Variants in ATP11A observed in about 807,000 individuals in gnomAD.
The protein encoded by ATP11A is phospholipid-transporting ATPase IH.
Under a neutral mutation model 154.4 loss-of-function variants are expected in ATP11A, and 81 were observed. The observed-to-expected ratio is 0.52, with a 90% CI of 0.44 to 0.63. The LOEUF is 0.63. Ranked by LOEUF, ATP11A falls within the 30% of genes least tolerant of loss-of-function variation. The probability of loss-of-function intolerance (pLI) is 0.00; values close to 1 mark genes in which losing one functional copy is unlikely to be tolerated. For synonymous variants in ATP11A, 623 were observed against 585.9 expected (o/e 1.06, Z -0.91); for missense variants, 1,316 against 1,474.3 (o/e 0.89, Z 1.76).
intron 1 of ATP11A, among the ~76,000 whole-genome samples, chr13:112,694,422 C>G (rs567908670): frequency 6.6e-5 from 10 of 152,256 alleles, no homozygotes; most frequent in Middle Eastern, 3.4e-3. Flanking sequence ...CTGCTGGCGT[C>G]GTGGGTCACA....
At position 112,754,976 on chromosome 13, in the gene ATP11A, T is replaced by C. The variant is rs1322393224; in HGVS notation, c.40-30159T>C. ...TGGGCGCAGAGCTCCTGCCGAGGGC[T>C]GGATGGCGCGGACCTGGGCATCGTG... On this transcript the variant is annotated intron_variant, in intron 1 of 29. Transcript: ENST00000375645. The surrounding 1 kb of genome is among the most constrained non-coding windows in gnomAD (Gnocchi z 5.3). Among the ~76,000 whole-genome samples, 2 of 152,228 alleles carry C rather than the reference T, an allele frequency of 1.3e-5. No homozygotes were observed. The highest frequency in any genetic ancestry group is 2.9e-5 in the Non-Finnish European group (2 of 68,026).
chr13:112,789,688 G>T (rs12016749), intron 2 of ATP11A, among the ~76,000 whole-genome samples: 1 of 107,838 alleles, frequency 9.3e-6, no homozygotes, highest in African/African-American at 7.3e-5. Context: ...GTATTCTGAC[G>T]TGTAGACCCC....
intron 17 of ATP11A, among the ~76,000 whole-genome samples, chr13:112,843,442 G>A (rs1292873630): frequency 6.6e-6 from 1 of 152,110 alleles, no homozygotes; most frequent in African/African-American, 2.4e-5. Flanking sequence ...CCAGCCCAGG[G>A]CAGCACCTCC....
intron 1 of ATP11A, among the ~76,000 whole-genome samples, chr13:112,716,975 ACC>A (rs1442178286): frequency 6.6e-6 from 1 of 151,222 alleles, no homozygotes; most frequent in East Asian, 2.0e-4. Context: ...TGTGGTGTCC[ACC>A]CACAGACGCA....
In ATP11A at chr13:112,857,866, A is replaced by G; in HGVS notation, c.2467A>G (p.Ile823Val). The G allele has an allele frequency of 1.9e-6, 3 of 1,614,228 alleles. No homozygotes were observed. Among genetic ancestry groups the G allele is most frequent in the Non-Finnish European group, 2.5e-6 (3 of 1,180,040 alleles). The change falls in exon 21 of 30, where the codon ATT (isoleucine) becomes GTT (valine). Residue 823 changes from isoleucine (I) to valine (V), a missense_variant. Physicochemically the swap from Ile to Val is conservative, Grantham distance 29 (BLOSUM62 3). Around this residue, in one of 5 missense-constraint regions of ATP11A, gnomAD observed 876 missense variants for 1,006.8 expected, o/e 0.87. Coordinates refer to ENST00000375645, the MANE Select transcript of ATP11A (RefSeq NM_015205.3). ...AAAAGAGCACCCAATCACGTTAGCA[A>G]TTGGCGATGGTGCAAATGATGTCAG... ...FSKEHPITLA[I>V]GDGANDVSMI...
intron 19 of ATP11A, 24 bp downstream of exon 19, chr13:112,854,554 A>T (rs1555339663): frequency 6.4e-7 from 1 of 1,560,142 alleles, no homozygotes; most frequent in South Asian, 1.1e-5. Flanking sequence ...CCCCGCCCCC[A>T]CCCCCACACT....
chr13:112,705,158 G>T (rs372272019), intron 1 of ATP11A, among the ~76,000 whole-genome samples: 16 of 152,270 alleles, frequency 1.1e-4, no homozygotes, highest in African/African-American at 3.8e-4. Context: ...AATGACTTTG[G>T]TATAAATCTG....
At chr13:112,784,464 C>T (rs1250193400) in intron 1 of ATP11A, among the ~76,000 whole-genome samples, 1 of 152,058 alleles carries the variant, frequency 6.6e-6, no homozygotes, top group Non-Finnish European at 1.5e-5. Context: ...CATTAAAGAC[C>T]TTTCCCAACA....
At chr13:112,708,067 G>T (rs1473057098) in intron 1 of ATP11A, among the ~76,000 whole-genome samples, 1 of 152,176 alleles carries the variant, frequency 6.6e-6, no homozygotes, top group Non-Finnish European at 1.5e-5. Context: ...CACTTCAAAA[G>T]TGGAAAAATT....
At chr13:112,833,244 C>G (rs2140256194) in intron 14 of ATP11A, among the ~76,000 whole-genome samples, 1 of 152,308 alleles carries the variant, frequency 6.6e-6, no homozygotes, top group African/African-American at 2.4e-5. Context: ...GAGTCTTCAT[C>G]TCTGACTTTG....
At chr13:112,847,344 TGAA>T (rs1278803110) in intron 17 of ATP11A, among the ~76,000 whole-genome samples, 1 of 152,256 alleles carries the variant, frequency 6.6e-6, no homozygotes, top group East Asian at 1.9e-4. Context: ...TCCAAGATGA[TGAA>T]GATTTGCCAC....
intron 1 of ATP11A, among the ~76,000 whole-genome samples, chr13:112,773,243 T>G (rs1234951307): frequency 6.6e-6 from 1 of 152,040 alleles, no homozygotes; most frequent in East Asian, 1.9e-4. Flanking sequence ...ATCGCCACCC[T>G]CAGAACAGAA....
rs760030229 is a variant in ATP11A, at chr13:112,882,012, G to C, written c.*146G>C. ...CTCGGCGGTTCCCATCACCACTGCAGTTCCATCCCAAGTCACAGCTGCCCT... is the reference window on the plus strand; with the variant it reads ...CTCGGCGGTTCCCATCACCACTGCACTTCCATCCCAAGTCACAGCTGCCCT... On this transcript the variant is annotated 3_prime_UTR_variant, in exon 30 of 30. Coordinates refer to ENST00000375645, the MANE Select transcript of ATP11A (RefSeq NM_015205.3). This position sits in a 1 kb window ranked among gnomAD's most constrained non-coding sequence, Gnocchi z 5.1. 1 of 1,367,802 alleles carries C rather than the reference G, an allele frequency of 7.3e-7. No homozygotes were observed. Among genetic ancestry groups the C allele is most frequent in the East Asian group, 4.6e-5 (1 of 21,976 alleles). 84.7% of individuals were successfully genotyped at this position (1,367,802 alleles called of 1,614,324 possible). A position where few individuals can be genotyped will look rare whatever the true frequency, so the allele number is the denominator to read the frequency against.
chr13:112,820,759 T>C (rs1191374006), intron 8 of ATP11A, among the ~76,000 whole-genome samples: 1 of 152,234 alleles, frequency 6.6e-6, no homozygotes, highest in East Asian at 1.9e-4. Flanking sequence ...CTTCATAAAC[T>C]CCACTTGTTA....
At position 112,826,836 on chromosome 13, in the gene ATP11A, A is replaced by G; in HGVS notation, c.1166A>G (p.Glu389Gly). The G allele has an allele frequency of 6.2e-7, 1 of 1,614,128 alleles. No homozygotes were observed. The highest frequency in any genetic ancestry group is 1.1e-5 in the South Asian group (1 of 91,080). Residue 389 changes from glutamate (E) to glycine (G), a missense_variant, in exon 12 of 30, where the codon GAG becomes GGG. Around this residue, in one of 5 missense-constraint regions of ATP11A, gnomAD observed 876 missense variants for 1,006.8 expected, o/e 0.87. Transcript: ENST00000375645. ...TGGGACGAAGACATGTTTGACGAGG[A>G]GACTGGCGAGGGGCCTCTGGTGAAC... Reference protein sequence around the residue: ...ITWDEDMFDEETGEGPLVNTS... With the variant: ...ITWDEDMFDEGTGEGPLVNTS...
chr13:112,819,658 A>G (rs1462146611), intron 7 of ATP11A, among the ~76,000 whole-genome samples: 1 of 152,258 alleles, frequency 6.6e-6, no homozygotes, highest in Non-Finnish European at 1.5e-5. Context: ...AAAAAAAAGA[A>G]TAAGTTTTCT....
At chr13:112,782,445 G>C (rs1412210958) in intron 1 of ATP11A, among the ~76,000 whole-genome samples, 3 of 152,176 alleles carry the variant, frequency 2.0e-5, no homozygotes, top group East Asian at 3.8e-4. Context: ...TCTTTTTCTG[G>C]TTCACTTATA....
At chr13:112,706,349 A>T (rs1887137352) in intron 1 of ATP11A, among the ~76,000 whole-genome samples, 1 of 152,244 alleles carries the variant, frequency 6.6e-6, no homozygotes, top group Non-Finnish European at 1.5e-5. Context: ...AGTAAGAGAC[A>T]GAAAGTCATA....
rs143297486 is a variant in ATP11A, at chr13:112,766,403, T to G, written c.40-18732T>G. 5.5e-3 allele frequency among the ~76,000 whole-genome samples: 843 copies of G among 152,292 alleles called. 5 individuals carry two copies. The highest frequency in any genetic ancestry group is 0.014 in the Middle Eastern group (4 of 294). On this transcript the variant is annotated intron_variant, in intron 1 of 29. Transcript: ENST00000375645. The stretch of plus-strand genomic sequence containing the variant: ...CTGTATTCTCTCCTTTGGACACCTG[T>G]GCTGGGGGGAGAAGCCCCTCACCCA...
Sources: gnomAD v4.1 joint callset for allele counts (sites outside exome capture counted in the v4.1 genomes callset) on GRCh38, gnomAD v4.1.1 for gene constraint, gnomAD v4.1.1 regional missense constraint, Gnocchi (gnomAD v3.1) non-coding constraint, MANE v1.5 for transcripts, NCBI Gene and HGNC (gene_info 2026-07-23, HGNC 2026-07-21) for gene names.